Variants in BANK1 observed in about 807,000 individuals in gnomAD.
BANK1 encodes B cell scaffold protein with ankyrin repeats 1.
BANK1 carries 95 observed loss-of-function variants against 94.5 expected under a neutral mutation model. That is an observed-to-expected ratio of 1.00 (90% CI 0.85 to 1.19). The LOEUF is 1.19. BANK1 is among the 50% of genes most tolerant of loss of function. BANK1 has a pLI of 0.00. For missense variants in BANK1, 987 were observed against 932.2 expected, an observed-to-expected ratio of 1.06 and a Z score of -0.77; for synonymous variants, 334 against 308.4, an observed-to-expected ratio of 1.08 and a Z score of -0.87.
At chr4:101,861,328 G>A (rs942622743) in intron 3 of BANK1, among the ~76,000 whole-genome samples, 2 of 152,102 alleles carry the variant, frequency 1.3e-5, no homozygotes, top group Non-Finnish European at 2.9e-5. Context: ...TTATTGGTGA[G>A]TAATTTATAC....
intron 7 of BANK1, among the ~76,000 whole-genome samples, chr4:101,920,996 G>A (rs557868336): frequency 1.3e-5 from 2 of 151,936 alleles, no homozygotes; most frequent in South Asian, 4.1e-4. Flanking sequence ...GAGAGTAGGA[G>A]AAGAAGGGGG....
At chr4:101,907,730 C>CA (rs1276194716) in intron 6 of BANK1, among the ~76,000 whole-genome samples, 1 of 152,130 alleles carries the variant, frequency 6.6e-6, no homozygotes, top group African/African-American at 2.4e-5. Context: ...AATCAATGTG[C>CA]AAAAATCACA....
At chr4:102,036,609 T>C (rs1727521185) in intron 10 of BANK1, 1 of 152,236 alleles carries the variant, frequency 6.6e-6, no homozygotes, top group Non-Finnish European at 1.5e-5. Context: ...CCTGTTTTTC[T>C]CCCTTGACTC....
chr4:102,050,528 T>G lies in BANK1; in HGVS notation c.1969+6621T>G, dbSNP rs538748625. ...AAAATCCCACCAAAAGAAACTATGT[T>G]TCAGAGACCACATGTGGTCAAATTT... On this transcript the variant is annotated intron_variant, in intron 11 of 16. Coordinates refer to ENST00000322953, the MANE Select transcript of BANK1 (RefSeq NM_017935.5). 2.0e-5 allele frequency among the ~76,000 whole-genome samples: 3 copies of G among 152,320 alleles called. No homozygotes were observed. In the East Asian group the frequency reaches 5.8e-4, roughly 29 times the overall value.
intron 7 of BANK1, among the ~76,000 whole-genome samples, chr4:101,964,793 T>C (rs1724689306): frequency 1.3e-5 from 2 of 151,968 alleles, no homozygotes; most frequent in Admixed American, 6.6e-5. Flanking sequence ...ACTCTAAGTT[T>C]TAGGGTACAT....
chr4:101,911,197 C>T (rs1039759595), intron 6 of BANK1, among the ~76,000 whole-genome samples: 17 of 152,118 alleles, frequency 1.1e-4, no homozygotes, highest in African/African-American at 3.4e-4. Context: ...AGTCCCCAGA[C>T]GACTGTGCCT....
chr4:101,826,003 T>C (rs1198083046), intron 1 of BANK1, among the ~76,000 whole-genome samples: 1 of 152,070 alleles, frequency 6.6e-6, no homozygotes, highest in Non-Finnish European at 1.5e-5. Flanking sequence ...TGGGAGTATT[T>C]ATTCTTTACA....
chr4:101,936,682 T>G (rs1459770191), intron 7 of BANK1, among the ~76,000 whole-genome samples: 1 of 151,314 alleles, frequency 6.6e-6, no homozygotes, highest in Non-Finnish European at 1.5e-5. Context: ...AAAGAAGACA[T>G]ACAAATAACA....
chr4:101,849,233 T>A (rs1268663055), intron 2 of BANK1, among the ~76,000 whole-genome samples: 3 of 152,212 alleles, frequency 2.0e-5, no homozygotes, highest in Non-Finnish European at 2.9e-5. Flanking sequence ...CAACCTCATC[T>A]CCTTGAAGTA....
intron 4 of BANK1, among the ~76,000 whole-genome samples, chr4:101,863,015 T>A (rs2148877805): frequency 6.6e-6 from 1 of 152,132 alleles, no homozygotes; most frequent in East Asian, 1.9e-4. Flanking sequence ...ATTTTGAGTT[T>A]TATTAATAAA....
At chr4:101,962,681 A>G (rs1265069509) in intron 7 of BANK1, among the ~76,000 whole-genome samples, 1 of 152,124 alleles carries the variant, frequency 6.6e-6, no homozygotes, top group Non-Finnish European at 1.5e-5. Context: ...GTATTTCCAC[A>G]CTAGCCTTAA....
At chr4:101,877,105 G>A (rs1468532536) in intron 5 of BANK1, among the ~76,000 whole-genome samples, 5 of 152,100 alleles carry the variant, frequency 3.3e-5, no homozygotes. Context: ...TAAGGAGGAG[G>A]TAAAGAAAGA....
chr4:102,025,639 T>C, intron 9 of BANK1, 130 bp downstream of exon 9: 1 of 847,722 alleles, frequency 1.2e-6, no homozygotes, highest in Non-Finnish European at 1.8e-6. Context: ...ACATTCTTCC[T>C]ATTCTTTAAA....
chr4:101,872,324 G>A (rs1728322628), intron 5 of BANK1, among the ~76,000 whole-genome samples: 1 of 152,136 alleles, frequency 6.6e-6, no homozygotes, highest in Non-Finnish European at 1.5e-5. Context: ...AGGGCACCTA[G>A]AAGTATTGTG....
intron 7 of BANK1, among the ~76,000 whole-genome samples, chr4:101,959,960 G>T (rs1724511538): frequency 6.6e-6 from 1 of 152,110 alleles, no homozygotes; most frequent in Non-Finnish European, 1.5e-5. Context: ...TCATCCTCAA[G>T]CGTCAGGATT....
intron 7 of BANK1, among the ~76,000 whole-genome samples, chr4:101,924,954 A>G (rs538814583): frequency 6.5e-4 from 99 of 151,790 alleles, no homozygotes; most frequent in Admixed American, 4.5e-3. Context: ...ACTTCCCTCA[A>G]TTGAATAATT....
intron 1 of BANK1, among the ~76,000 whole-genome samples, chr4:101,822,250 G>A (rs559559503): frequency 6.6e-6 from 1 of 151,952 alleles, no homozygotes; most frequent in African/African-American, 2.4e-5. Context: ...CATACCTGTG[G>A]TCCCAGCTAC....
At chr4:101,950,798 A>G (rs1453139646) in intron 7 of BANK1, among the ~76,000 whole-genome samples, 1 of 152,166 alleles carries the variant, frequency 6.6e-6, no homozygotes, top group Non-Finnish European at 1.5e-5. Context: ...CATGTTGATA[A>G]TATGTAACAT....
At chr4:101,925,384 A>G (rs984077884) in intron 7 of BANK1, among the ~76,000 whole-genome samples, 6 of 151,710 alleles carry the variant, frequency 4.0e-5, no homozygotes, top group Admixed American at 6.6e-5. Flanking sequence ...ATCATGGTAT[A>G]TGAGGACAAG....
Sources: allele counts gnomAD v4.1 joint callset (sites outside exome capture counted in the v4.1 genomes callset), GRCh38; gene constraint gnomAD v4.1.1; transcripts MANE v1.5; gene names NCBI Gene and HGNC (gene_info 2026-07-23, HGNC 2026-07-21).